Variants in LPCAT1 observed in about 807,000 individuals in gnomAD.
LPCAT1 encodes the protein lysophosphatidylcholine acyltransferase 1.
In LPCAT1, 23 loss-of-function variants were observed where a neutral mutation model predicts 60.9. The observed-to-expected ratio is 0.38, with a 90% CI of 0.27 to 0.53. LPCAT1 has a LOEUF of 0.53. LPCAT1 is among the 20% of genes least tolerant of loss of function. LPCAT1 has a pLI of 0.82. For synonymous variants in LPCAT1, 340 were observed against 301.1 expected (o/e 1.13, Z -1.34); for missense variants, 622 against 723.6 (o/e 0.86, Z 1.61).
At chr5:1,512,742 A>C (rs1432494616) in intron 1 of LPCAT1, among the ~76,000 whole-genome samples, 1 of 152,246 alleles carries the variant, frequency 6.6e-6, no homozygotes, top group Non-Finnish European at 1.5e-5. Context: ...CCGTGATGCC[A>C]GCACAGGGCA....
intron 1 of LPCAT1, 116 bp from the exon 2 acceptor site, chr5:1,501,719 G>A: frequency 9.3e-7 from 1 of 1,073,560 alleles, no homozygotes; most frequent in Non-Finnish European, 1.4e-6. Context: ...GAGCTGGGGA[G>A]GGGCTGCAGC....
chr5:1,505,126 ACGCTGTTCCTGAAACAGCACCGAC>A, intron 1 of LPCAT1, among the ~76,000 whole-genome samples: 1 of 149,284 alleles, frequency 6.7e-6, no homozygotes, highest in Non-Finnish European at 1.5e-5. Flanking sequence ...ACAGTAACCC[ACGCTGTTCCTGAAACAGCACCGAC>A]TGCAACACTG....
chr5:1,483,311 G>T lies in LPCAT1; in HGVS notation c.726+117C>A. ...ATGGACTCAGCATGGCCAAGTGTGG[G>T]CTGTGGCGCAGATAAAGGGTGTGGA... is the stretch of plus-strand genomic sequence containing the variant. On this transcript the variant is annotated intron_variant, in intron 6 of 13. Coordinates refer to ENST00000283415, the MANE Select transcript of LPCAT1 (RefSeq NM_024830.5). The surrounding 1 kb of genome is among the most constrained non-coding windows in gnomAD (Gnocchi z 9.2). 1 of 1,128,666 alleles carries T rather than the reference G, an allele frequency of 8.9e-7. No individual in the cohort carries two copies. Among genetic ancestry groups the T allele is most frequent in the Non-Finnish European group, 1.3e-6 (1 of 745,118 alleles). The allele number at this position is 1,128,666 out of a possible 1,614,324, so 69.9% of individuals were successfully genotyped here.
intron 2 of LPCAT1, among the ~76,000 whole-genome samples, chr5:1,501,053 G>A (rs1735984862): frequency 6.6e-6 from 1 of 152,196 alleles, no homozygotes; most frequent in Non-Finnish European, 1.5e-5. Flanking sequence ...AGAGCTGAGG[G>A]TCTGAGGTGG....
Position 1,492,910 on chromosome 5 carries a change from C to T in LPCAT1, c.493+1790G>A, listed in dbSNP as rs1459323358. Among the ~76,000 whole-genome samples, 4 of 152,372 alleles carry T rather than the reference C, an allele frequency of 2.6e-5. No homozygotes were observed. In the East Asian group the frequency reaches 7.7e-4, roughly 29 times the overall value. On this transcript the variant is annotated intron_variant, in intron 3 of 13. Coordinates refer to ENST00000283415, the MANE Select transcript of LPCAT1 (RefSeq NM_024830.5). ...GAGGGTGCCTGGGCACACAGCTCCACAATCCCCCTCCCTGAGCAGATGACG... is the reference window on the plus strand; with the variant it reads ...GAGGGTGCCTGGGCACACAGCTCCATAATCCCCCTCCCTGAGCAGATGACG...
chr5:1,510,104 C>G (rs1736310854), intron 1 of LPCAT1, among the ~76,000 whole-genome samples: 1 of 152,208 alleles, frequency 6.6e-6, no homozygotes, highest in East Asian at 1.9e-4. Flanking sequence ...TTTTCTCACC[C>G]CTGTGAACAT....
At chr5:1,504,503 G>A (rs1246437566) in intron 1 of LPCAT1, among the ~76,000 whole-genome samples, 1 of 152,142 alleles carries the variant, frequency 6.6e-6, no homozygotes, top group East Asian at 1.9e-4. Flanking sequence ...GATCGCCTGC[G>A]GTCGGGAGTT....
At chr5:1,473,929 A>G (rs1259706441) in intron 11 of LPCAT1, 28 bp downstream of exon 11, 1 of 1,597,804 alleles carries the variant, frequency 6.3e-7, no homozygotes, top group Non-Finnish European at 8.6e-7. Flanking sequence ...TTTTGCCGAC[A>G]CCCCGCTCCG....
chr5:1,513,950 C>T (rs1043026595), intron 1 of LPCAT1, among the ~76,000 whole-genome samples: 11 of 151,700 alleles, frequency 7.3e-5, no homozygotes, highest in African/African-American at 2.7e-4. Flanking sequence ...TCCATTTCCA[C>T]AGGCTCTCAC....
intron 12 of LPCAT1, 32 bp from the exon 13 acceptor site, chr5:1,466,922 C>A (rs1165668837): frequency 6.6e-7 from 1 of 1,520,966 alleles, no homozygotes; most frequent in Non-Finnish European, 8.9e-7. Flanking sequence ...ACCTTGCAGC[C>A]TCCTCCCCTG....
intron 9 of LPCAT1, among the ~76,000 whole-genome samples, chr5:1,475,775 AGGCTGCTTCTCCCTCCC>A (rs1392768285): frequency 0.18 from 26,760 of 149,782 alleles, 3,394 homozygotes; most frequent in Non-Finnish European, 0.22. Context: ...CAGGAGTCCG[AGGCTGCTTCTCCCTCCC>A]ATCTCCACTC....
chr5:1,520,946 AC>A (rs1458544965), intron 1 of LPCAT1, among the ~76,000 whole-genome samples: 1 of 152,108 alleles, frequency 6.6e-6, no homozygotes, highest in Non-Finnish European at 1.5e-5. Context: ...AAATACTCAT[AC>A]CCACAGATTC....
chr5:1,479,347 C>G, intron 8 of LPCAT1: 1 of 486,602 alleles, frequency 2.1e-6, no homozygotes, highest in Non-Finnish European at 3.7e-6. Context: ...TACACTCCAG[C>G]CTGGGCAACA....
At chr5:1,503,321 G>A (rs1017591833) in intron 1 of LPCAT1, among the ~76,000 whole-genome samples, 5 of 151,956 alleles carry the variant, frequency 3.3e-5, no homozygotes, top group African/African-American at 7.2e-5. Context: ...TTCAGCAAAC[G>A]TTCTTTACTG....
chr5:1,507,537 C>T (rs956660908), intron 1 of LPCAT1, among the ~76,000 whole-genome samples: 3 of 152,234 alleles, frequency 2.0e-5, no homozygotes, highest in Non-Finnish European at 4.4e-5. Flanking sequence ...GCTCCTCAGC[C>T]GGGCTTGCTC....
chr5:1,474,493 A>C (rs1734815946), intron 10 of LPCAT1, 67 bp downstream of exon 10: 1 of 1,577,002 alleles, frequency 6.3e-7, no homozygotes, highest in East Asian at 2.3e-5. Context: ...AACCCCAGGC[A>C]GCCCCCGCCA....
intron 3 of LPCAT1, among the ~76,000 whole-genome samples, chr5:1,492,604 C>T (rs1040939629): frequency 6.6e-6 from 1 of 152,262 alleles, no homozygotes; most frequent in African/African-American, 2.4e-5. Context: ...AAGAAACACG[C>T]AGGGCTCCAC....
At chr5:1,489,686 G>A (rs1453246934) in intron 4 of LPCAT1, 60 bp downstream of exon 4, 8 of 1,253,714 alleles carry the variant, frequency 6.4e-6, no homozygotes, top group Admixed American at 1.7e-5. Flanking sequence ...CTCCCCACTC[G>A]CGAAGTTCGC....
chr5:1,506,518 T>C lies in LPCAT1; in HGVS notation c.136-4915A>G, dbSNP rs1044223303. On this transcript the variant is annotated intron_variant, in intron 1 of 13. Transcript: ENST00000283415. ...TCATGCCCCCACGCCCTGGTGCAGA[T>C]GGGTCTGGATGGACTCTAGCCCCCC... Among the ~76,000 whole-genome samples, 11 of 152,316 alleles carry C rather than the reference T, an allele frequency of 7.2e-5. No individual in the cohort carries two copies. In the East Asian group the frequency reaches 2.1e-3, roughly 29 times the overall value.
Sources: allele counts gnomAD v4.1 joint callset (sites outside exome capture counted in the v4.1 genomes callset), GRCh38; gene constraint gnomAD v4.1.1; non-coding constraint Gnocchi (gnomAD v3.1); transcripts MANE v1.5; gene names NCBI Gene and HGNC (gene_info 2026-07-23, HGNC 2026-07-21).